MOB3B: variants seen among roughly 807,000 people sequenced by gnomAD.
The protein encoded by MOB3B is MOB kinase activator 3B, also known as MOB kinase activator-like 2B.
MOB3B carries 7 observed loss-of-function variants against 18.7 expected under a neutral mutation model. That is an observed-to-expected ratio of 0.37 (90% confidence interval 0.21 to 0.70). MOB3B has a LOEUF of 0.70. Ranked by LOEUF, MOB3B falls within the 30% of genes least tolerant of loss-of-function variation. MOB3B has a pLI of 0.52. For missense variants in MOB3B, 253 were observed against 281.3 expected, an observed-to-expected ratio of 0.90 and a Z score of 0.72; for synonymous variants, 111 against 99.9, an observed-to-expected ratio of 1.11 and a Z score of -0.66.
chr9:27,349,965 C>T (rs909477572), intron 3 of MOB3B, among the ~76,000 whole-genome samples: 4 of 152,108 alleles, frequency 2.6e-5, no homozygotes, highest in African/African-American at 7.2e-5. Flanking sequence ...GAAGGTAGAG[C>T]CTCTGGCTCA....
chr9:27,465,390 C>G (rs1255991978), intron 1 of MOB3B, among the ~76,000 whole-genome samples: 1 of 152,200 alleles, frequency 6.6e-6, no homozygotes, highest in African/African-American at 2.4e-5. Context: ...TTTTGGGAAG[C>G]TCCACCCCTG....
intron 2 of MOB3B, among the ~76,000 whole-genome samples, chr9:27,450,932 C>T (rs1822773782): frequency 6.6e-6 from 1 of 152,184 alleles, no homozygotes; most frequent in Non-Finnish European, 1.5e-5. Flanking sequence ...AATTCCCTCC[C>T]TCAGTTCCCT....
At chr9:27,472,741 T>A (rs1357394055) in intron 1 of MOB3B, among the ~76,000 whole-genome samples, 1 of 147,244 alleles carries the variant, frequency 6.8e-6, no homozygotes, top group Non-Finnish European at 1.5e-5. Context: ...TGATTTTATA[T>A]AAGCACCAGA....
chr9:27,346,124 G>A (rs972299333), intron 3 of MOB3B, among the ~76,000 whole-genome samples: 1 of 152,126 alleles, frequency 6.6e-6, no homozygotes, highest in African/African-American at 2.4e-5. Context: ...CCTGATGGGG[G>A]GCTTCCTTGC....
intron 1 of MOB3B, chr9:27,524,774 G>C: frequency 6.2e-7 from 1 of 1,614,034 alleles, no homozygotes; most frequent in Non-Finnish European, 8.5e-7. Context: ...AAGAGAATGA[G>C]ATGAAACCCT....
At chr9:27,498,505 G>A (rs561993149) in intron 1 of MOB3B, among the ~76,000 whole-genome samples, 1 of 152,290 alleles carries the variant, frequency 6.6e-6, no homozygotes, top group African/African-American at 2.4e-5. Context: ...AGAAAGTAGA[G>A]GAAAGTTAGA....
At chr9:27,440,004 C>G (rs1822569321) in intron 2 of MOB3B, among the ~76,000 whole-genome samples, 1 of 152,100 alleles carries the variant, frequency 6.6e-6, no homozygotes, top group Admixed American at 6.5e-5. Flanking sequence ...CCTAGTTAAC[C>G]TACAGTGGAG....
At chr9:27,342,490 C>A (rs1416067605) in intron 3 of MOB3B, among the ~76,000 whole-genome samples, 1 of 151,820 alleles carries the variant, frequency 6.6e-6, no homozygotes, top group Non-Finnish European at 1.5e-5. Context: ...TCCCCGGTCT[C>A]CCTCTGATGC....
chr9:27,352,457 G>A (rs1025610076), intron 3 of MOB3B, among the ~76,000 whole-genome samples: 6 of 151,716 alleles, frequency 4.0e-5, no homozygotes, highest in Non-Finnish European at 5.9e-5. Flanking sequence ...TGGAACTGAA[G>A]AAATGAAGTT....
chr9:27,480,176 A>T (rs1041837243), intron 1 of MOB3B, among the ~76,000 whole-genome samples: 2 of 151,988 alleles, frequency 1.3e-5, no homozygotes, highest in Non-Finnish European at 2.9e-5. Flanking sequence ...TCTTTGAGAC[A>T]GAGTCTCACT....
rs530021712 is a variant in MOB3B, at chr9:27,450,472, CA to C, written c.418+4660del. 4.6e-5 allele frequency among the ~76,000 whole-genome samples: 7 copies of C among 152,208 alleles called. No homozygotes were observed. The South Asian group carries it at 1.5e-3, about 32-fold the overall frequency. The stretch of plus-strand genomic sequence containing the variant: ...AAGGAATATTTACAGTACCTGGACA[CA>C]GTCCTCAGGCATTTCAGAGATGATT... On this transcript the variant is annotated intron_variant, in intron 2 of 3. Transcript: ENST00000262244.
chr9:27,378,826 G>T, intron 2 of MOB3B: 1 of 379,752 alleles, frequency 2.6e-6, no homozygotes. Context: ...TTGAAAGAAG[G>T]TCATTTGGAA....
intron 1 of MOB3B, among the ~76,000 whole-genome samples, chr9:27,470,660 CCCATCTGTT>C (rs1251403165): frequency 6.6e-6 from 1 of 152,208 alleles, no homozygotes; most frequent in Non-Finnish European, 1.5e-5. Context: ...GGCCCACCCA[CCCATCTGTT>C]AGCCCTGTGG....
chr9:27,339,374 A>G (rs1820909134), intron 3 of MOB3B, among the ~76,000 whole-genome samples: 2 of 152,226 alleles, frequency 1.3e-5, no homozygotes, highest in African/African-American at 4.8e-5. Flanking sequence ...ACTAGGCTTT[A>G]TTGGTATAAA....
chr9:27,391,265 G>A (rs1821723951), intron 2 of MOB3B, among the ~76,000 whole-genome samples: 1 of 152,162 alleles, frequency 6.6e-6, no homozygotes, highest in East Asian at 1.9e-4. Context: ...TCTCACCTCA[G>A]CAGATTCTTC....
chr9:27,454,412 A>G (rs144905631), intron 2 of MOB3B, among the ~76,000 whole-genome samples: 1 of 152,368 alleles, frequency 6.6e-6, no homozygotes, highest in East Asian at 1.9e-4. Flanking sequence ...TATTCAGCCT[A>G]CGGCATAAAA....
intron 2 of MOB3B, among the ~76,000 whole-genome samples, chr9:27,411,993 T>C (rs903668721): frequency 6.6e-6 from 1 of 152,142 alleles, no homozygotes; most frequent in Non-Finnish European, 1.5e-5. Flanking sequence ...CTCAAAAAGA[T>C]AGTCTATTAA....
At chr9:27,418,677 T>C (rs1224105869) in intron 2 of MOB3B, among the ~76,000 whole-genome samples, 1 of 152,194 alleles carries the variant, frequency 6.6e-6, no homozygotes, top group East Asian at 1.9e-4. Context: ...ATACAAGGGA[T>C]ATATCTTAAT....
intron 3 of MOB3B, among the ~76,000 whole-genome samples, chr9:27,342,949 C>T (rs561583782): frequency 2.0e-5 from 3 of 151,042 alleles, no homozygotes; most frequent in African/African-American, 7.4e-5. Context: ...GTGAGGAGCC[C>T]CTCTGCCCGG....
Sources: allele counts gnomAD v4.1 joint callset (sites outside exome capture counted in the v4.1 genomes callset), GRCh38; gene constraint gnomAD v4.1.1; transcripts MANE v1.5; gene names NCBI Gene and HGNC (gene_info 2026-07-23, HGNC 2026-07-21).